The following RBM33 variants were observed in gnomAD, a reference collection of about 807,000 sequenced individuals.
The protein encoded by RBM33 is RNA binding motif protein 33.
RBM33 carries 28 observed loss-of-function variants against 132.6 expected under a neutral mutation model. The observed-to-expected ratio is 0.21, with a 90% CI of 0.16 to 0.29. The LOEUF (loss-of-function observed/expected upper bound fraction) is 0.29. RBM33 is among the 10% of genes least tolerant of loss of function. The pLI, the probability that RBM33 is intolerant of heterozygous loss-of-function variation, is 1.00. For missense variants in RBM33, 1,291 were observed against 1,518.5 expected (o/e 0.85, Z 2.49); for synonymous variants, 634 against 593.0 (o/e 1.07, Z -1.01).
intron 4 of RBM33, among the ~76,000 whole-genome samples, chr7:155,680,312 T>A (rs1298264028): frequency 1.3e-5 from 2 of 152,230 alleles, no homozygotes; most frequent in Non-Finnish European, 2.9e-5. Context: ...TTTGGTCAAA[T>A]AACCTGCAGC....
At chr7:155,702,431 T>G (rs960491022) in intron 6 of RBM33, among the ~76,000 whole-genome samples, 1 of 152,172 alleles carries the variant, frequency 6.6e-6, no homozygotes, top group Admixed American at 6.5e-5. Context: ...TTTCAAGTTA[T>G]GATATGAAGT....
rs1332156689 is a variant in RBM33 at position 155,700,838 on chromosome 7, T to A, written c.633T>A (p.Asp211Glu). 6 of 1,605,108 alleles carry A rather than the reference T, an allele frequency of 3.7e-6. No individual in the cohort carries two copies. The highest frequency in any genetic ancestry group is 1.7e-5 in the Admixed American group (1 of 59,100). Residue 211 changes from aspartate to glutamate, a missense_variant, in exon 6 of 18, where the codon GAT (aspartate) becomes GAA (glutamate). Physicochemically the swap from Asp to Glu is conservative, Grantham distance 45 (BLOSUM62 2). This residue lies in a region of RBM33 where 194 missense variants were observed against 249.8 expected (regional missense o/e 0.78). Transcript: ENST00000401878. ...AAGAATCAGATGAAGAAGAAGAAGATGATGAAGAATCTGGACGATTACGTT... is the reference window on the plus strand; with the variant it reads ...AAGAATCAGATGAAGAAGAAGAAGAAGATGAAGAATCTGGACGATTACGTT... ...IKEESDEEEE[D>E]DEESGRLRFK...
chr7:155,647,782 T>C (rs2116860672), intron 1 of RBM33, among the ~76,000 whole-genome samples: 1 of 152,308 alleles, frequency 6.6e-6, no homozygotes, highest in East Asian at 1.9e-4. Flanking sequence ...AGAAATGGAA[T>C]TGCTATCCTT....
chr7:155,650,864 T>TTTG (rs776933463), intron 1 of RBM33, among the ~76,000 whole-genome samples: 31 of 152,220 alleles, frequency 2.0e-4, no homozygotes, highest in South Asian at 8.3e-4. Context: ...ACAGCTTCTT[T>TTTG]TTGTTGTTGT....
At chr7:155,661,961 T>A (rs1423136268) in intron 1 of RBM33, among the ~76,000 whole-genome samples, 1 of 152,182 alleles carries the variant, frequency 6.6e-6, no homozygotes, top group Non-Finnish European at 1.5e-5. Context: ...ACATTTTAGA[T>A]AATATGTTGT....
At chr7:155,714,364 G>T (rs1800398284) in intron 8 of RBM33, among the ~76,000 whole-genome samples, 1 of 152,192 alleles carries the variant, frequency 6.6e-6, no homozygotes, top group South Asian at 2.1e-4. Context: ...GGAGATCTTT[G>T]TAGAGTTGAA....
chr7:155,657,476 G>A (rs1026007993), intron 1 of RBM33, among the ~76,000 whole-genome samples: 2 of 152,196 alleles, frequency 1.3e-5, no homozygotes, highest in African/African-American at 4.8e-5. Context: ...AGATGTTCTG[G>A]TTTCAGCAGA....
At chr7:155,662,914 A>G (rs933954347) in intron 1 of RBM33, among the ~76,000 whole-genome samples, 10 of 152,126 alleles carry the variant, frequency 6.6e-5, no homozygotes, top group Non-Finnish European at 1.3e-4. Flanking sequence ...GTGGAGTCTT[A>G]GCATTACTGA....
At chr7:155,662,519 G>A (rs549884698) in intron 1 of RBM33, among the ~76,000 whole-genome samples, 7 of 150,996 alleles carry the variant, frequency 4.6e-5, no homozygotes, top group African/African-American at 1.5e-4. Flanking sequence ...TCCTCACCCC[G>A]CCCCCCCCGC....
chr7:155,725,501 T>G lies in RBM33; in HGVS notation c.1260+7058T>G, dbSNP rs57208983. 2.0e-3 allele frequency among the ~76,000 whole-genome samples: 303 copies of G among 152,128 alleles called. 8 individuals carry two copies. In the East Asian group the frequency reaches 0.053, roughly 27 times the overall value. On this transcript the variant is annotated intron_variant, in intron 9 of 17. Coordinates refer to ENST00000401878, the MANE Select transcript of RBM33 (RefSeq NM_053043.3). ...AATATGAAATTGAACTTCCATAAAC[T>G]GAGAAAAAAACATAGAATCTGGTAA...
At chr7:155,713,664 G>A (rs916867723) in intron 8 of RBM33, among the ~76,000 whole-genome samples, 2 of 152,208 alleles carry the variant, frequency 1.3e-5, no homozygotes, top group Non-Finnish European at 2.9e-5. Context: ...ATGGGGCACG[G>A]ACTTGAGGCC....
At chr7:155,721,587 G>A (rs901516142) in intron 9 of RBM33, among the ~76,000 whole-genome samples, 2 of 151,842 alleles carry the variant, frequency 1.3e-5, no homozygotes, top group Admixed American at 6.6e-5. Flanking sequence ...AATTTTAAAG[G>A]CTGTATGATA....
At position 155,708,384 on chromosome 7, in the gene RBM33, G is replaced by T. The variant is rs1800177679; in HGVS notation, c.948+1316G>T. Among the ~76,000 whole-genome samples the T allele has an allele frequency of 2.0e-5, 3 of 152,142 alleles. No homozygotes were observed. In the South Asian group the frequency reaches 6.2e-4, roughly 32 times the overall value. On this transcript the variant is annotated intron_variant, in intron 7 of 17. Transcript: ENST00000401878. ...CGCCGCAAACCTCCACTGGCCATAT[G>T]TTGAATAGCCATTTTGATTATTTTG...
intron 9 of RBM33, among the ~76,000 whole-genome samples, chr7:155,731,585 G>C (rs569587713): frequency 6.6e-6 from 1 of 152,306 alleles, no homozygotes; most frequent in Non-Finnish European, 1.5e-5. Flanking sequence ...TGGATCCTCT[G>C]GACAAAGGTA....
intron 15 of RBM33, among the ~76,000 whole-genome samples, chr7:155,764,382 T>C (rs1802145346): frequency 6.6e-6 from 1 of 152,174 alleles, no homozygotes; most frequent in Non-Finnish European, 1.5e-5. Context: ...ATTTTACAAA[T>C]GTGAAATCAA....
intron 5 of RBM33, among the ~76,000 whole-genome samples, chr7:155,688,037 A>G (rs1272662105): frequency 6.6e-6 from 1 of 152,102 alleles, no homozygotes. Context: ...CTTGATGGGG[A>G]TGGCATTGAA....
At chr7:155,730,526 A>G (rs1800925585) in intron 9 of RBM33, among the ~76,000 whole-genome samples, 1 of 152,228 alleles carries the variant, frequency 6.6e-6, no homozygotes, top group Admixed American at 6.5e-5. Flanking sequence ...GCTGTTTTGT[A>G]GATGAGCAAA....
intron 8 of RBM33, among the ~76,000 whole-genome samples, chr7:155,716,896 A>G (rs1028993163): frequency 6.6e-6 from 1 of 152,160 alleles, no homozygotes; most frequent in African/African-American, 2.4e-5. Flanking sequence ...TATAAAAGTA[A>G]GTTTTGTTTC....
At chr7:155,761,854 G>C (rs1327237085) in intron 14 of RBM33, among the ~76,000 whole-genome samples, 1 of 152,132 alleles carries the variant, frequency 6.6e-6, no homozygotes, top group African/African-American at 2.4e-5. Flanking sequence ...CTAGCTTCTT[G>C]AGGTAGAAAC....
Sources: gnomAD v4.1 joint callset for allele counts (sites outside exome capture counted in the v4.1 genomes callset) on GRCh38, gnomAD v4.1.1 for gene constraint, gnomAD v4.1.1 regional missense constraint, MANE v1.5 for transcripts, NCBI Gene and HGNC (gene_info 2026-07-23, HGNC 2026-07-21) for gene names.